The following MAP3K13 variants were observed in gnomAD, a reference collection of about 807,000 sequenced individuals.
MAP3K13 encodes mitogen-activated protein kinase kinase kinase 13.
MAP3K13 carries 52 observed loss-of-function variants against 104.0 expected under a neutral mutation model. The observed-to-expected ratio is 0.50, with a 90% CI of 0.40 to 0.63. The LOEUF (loss-of-function observed/expected upper bound fraction) is 0.63. Among genes scored for constraint, MAP3K13 ranks in the 20% least tolerant of loss-of-function variants. MAP3K13 has a pLI of 0.00. For synonymous variants in MAP3K13, 394 were observed against 442.2 expected, an observed-to-expected ratio of 0.89 and a Z score of 1.37; for missense variants, 914 against 1,218.5, an observed-to-expected ratio of 0.75 and a Z score of 3.72.
chr3:185,323,333 C>CTTTTTTT (rs869206853), intron 2 of MAP3K13, among the ~76,000 whole-genome samples: 1 of 134,328 alleles, frequency 7.4e-6, no homozygotes, highest in Non-Finnish European at 1.6e-5. Context: ...TTTGGCATAC[C>CTTTTTTT]TTTTTTTTTT....
At position 185,486,057 on chromosome 3, in the gene MAP3K13, C is replaced by G. The variant is rs1199085593; in HGVS notation, c.*3601C>G. On this transcript the variant is annotated 3_prime_UTR_variant, in exon 14 of 14. Coordinates refer to ENST00000265026, the MANE Select transcript of MAP3K13 (RefSeq NM_004721.5). ...CTACAACTCTATGTCTTCTTTCTAT[C>G]CAACATAAAACACTGGCAGTTTTGT... is the stretch of plus-strand genomic sequence containing the variant. The G allele has an allele frequency of 6.6e-6, 1 of 152,212 alleles. No individual in the cohort carries two copies. The highest frequency in any genetic ancestry group is 1.5e-5 in the Non-Finnish European group (1 of 68,038). 9.4% of individuals were successfully genotyped at this position (152,212 alleles called of 1,614,324 possible).
At position 185,477,899 on chromosome 3, in the gene MAP3K13, T is replaced by G. The variant is rs60795781; in HGVS notation, c.2501+503T>G. On this transcript the variant is annotated intron_variant, in intron 12 of 13. Transcript: ENST00000265026. ...GCCACCTTCTTGCTGTTTCCTCACA[T>G]GGCAGAGAGAGCTCTTCCTTCTTTT... Among the ~76,000 whole-genome samples the G allele has an allele frequency of 5.4e-3, 823 of 152,338 alleles. 4 individuals carry two copies. Among genetic ancestry groups the G allele is most frequent in the African/African-American group, 0.019 (785 of 41,576 alleles).
chr3:185,465,585 G>A (rs966403801), intron 8 of MAP3K13, among the ~76,000 whole-genome samples, 162 bp from the exon 9 acceptor site: 5 of 152,164 alleles, frequency 3.3e-5, no homozygotes, highest in South Asian at 2.1e-4. Flanking sequence ...CCCACCTCCC[G>A]TTCCATTTTG....
At chr3:185,354,649 A>G (rs998350713) in intron 2 of MAP3K13, among the ~76,000 whole-genome samples, 2 of 151,302 alleles carry the variant, frequency 1.3e-5, no homozygotes, top group Non-Finnish European at 2.9e-5. Flanking sequence ...TGTGTGTAGG[A>G]TGGTCCCATT....
chr3:185,419,447 G>A (rs182712642), intron 1 of MAP3K13, among the ~76,000 whole-genome samples: 1 of 152,118 alleles, frequency 6.6e-6, no homozygotes, highest in Non-Finnish European at 1.5e-5. Flanking sequence ...AAGCAACAAG[G>A]ATTTGTATTG....
chr3:185,318,760 A>G (rs933854711), intron 2 of MAP3K13, among the ~76,000 whole-genome samples: 57 of 152,220 alleles, frequency 3.7e-4, no homozygotes, highest in Non-Finnish European at 6.5e-4. Context: ...TCTACTTTGG[A>G]CAAAATAGAG....
intron 1 of MAP3K13, among the ~76,000 whole-genome samples, chr3:185,374,297 G>A (rs561309718): frequency 6.6e-6 from 1 of 152,222 alleles, no homozygotes; most frequent in African/African-American, 2.4e-5. Flanking sequence ...TGTTGGGGTG[G>A]CGAAAATTTT....
chr3:185,412,866 G>A (rs1257395843), intron 1 of MAP3K13, among the ~76,000 whole-genome samples: 2 of 152,172 alleles, frequency 1.3e-5, no homozygotes, highest in East Asian at 3.9e-4. Context: ...TGGTGATTTG[G>A]TAAAACTTCT....
rs560401918 is a variant in MAP3K13 at position 185,303,990 on chromosome 3, G to T, written c.-86+18347G>T. Among the ~76,000 whole-genome samples, 10 of 152,010 alleles carry T rather than the reference G, an allele frequency of 6.6e-5. No individual in the cohort carries two copies. The South Asian group carries it at 2.1e-3, about 32-fold the overall frequency. ...TTTCCCCCTTAGTACTACTTTTGAT[G>T]CATCCCATACCTTTTGGTATGTTGT... On this transcript the variant is annotated intron_variant, in intron 2 of 14. Coordinates refer to the MAP3K13 transcript ENST00000424227.
At chr3:185,468,113 C>T (rs1717561705) in intron 10 of MAP3K13, among the ~76,000 whole-genome samples, 2 of 151,930 alleles carry the variant, frequency 1.3e-5, no homozygotes, top group Non-Finnish European at 2.9e-5. Context: ...ATGATCCAAT[C>T]ACCCCCTCAC....
intron 1 of MAP3K13, among the ~76,000 whole-genome samples, chr3:185,393,453 TGTAA>T (rs1159037503): frequency 7.2e-6 from 1 of 139,130 alleles, no homozygotes; most frequent in African/African-American, 2.6e-5. Flanking sequence ...TTTACAGAGT[TGTAA>T]GTATCTTTTT....
intron 2 of MAP3K13, among the ~76,000 whole-genome samples, chr3:185,309,142 TGCCAGGGGTTAGGGCTTTA>T (rs1721407537): frequency 6.6e-6 from 1 of 152,150 alleles, no homozygotes; most frequent in Non-Finnish European, 1.5e-5. Flanking sequence ...CATTCACAGG[TGCCAGGGGTTAGGGCTTTA>T]ACTTATCTTT....
intron 2 of MAP3K13, among the ~76,000 whole-genome samples, chr3:185,342,142 G>T (rs1161369653): frequency 6.6e-6 from 1 of 152,108 alleles, no homozygotes; most frequent in Non-Finnish European, 1.5e-5. Context: ...CAGCCTTCAG[G>T]TGACTACATC....
intron 7 of MAP3K13, among the ~76,000 whole-genome samples, chr3:185,455,845 G>GAT (rs1482456928): frequency 2.5e-4 from 22 of 88,250 alleles, no homozygotes; most frequent in African/African-American, 7.9e-5. Context: ...ATATATATGA[G>GAT]ATATATATGA....
intron 1 of MAP3K13, among the ~76,000 whole-genome samples, chr3:185,416,035 GA>G (rs1202887158): frequency 6.6e-6 from 1 of 152,132 alleles, no homozygotes; most frequent in Non-Finnish European, 1.5e-5. Flanking sequence ...AATGAAATAT[GA>G]AAAAGAAGTT....
intron 2 of MAP3K13, among the ~76,000 whole-genome samples, chr3:185,291,453 A>G (rs1011165016): frequency 6.6e-6 from 1 of 151,958 alleles, no homozygotes; most frequent in South Asian, 2.1e-4. Flanking sequence ...TTTCAAAAAA[A>G]TTTTTTTCCT....
At chr3:185,321,559 C>T (rs1255803823) in intron 2 of MAP3K13, among the ~76,000 whole-genome samples, 1 of 151,982 alleles carries the variant, frequency 6.6e-6, no homozygotes, top group Non-Finnish European at 1.5e-5. Context: ...CCACATGTGG[C>T]CATATTCTTA....
intron 2 of MAP3K13, among the ~76,000 whole-genome samples, chr3:185,288,540 G>A (rs80000859): frequency 2.9e-5 from 4 of 140,118 alleles, no homozygotes; most frequent in East Asian, 3.9e-4. Context: ...GTGTTTGTGT[G>A]TATATATATA....
intron 8 of MAP3K13, 57 bp downstream of exon 8, chr3:185,463,716 A>G: frequency 1.0e-6 from 1 of 964,036 alleles, no homozygotes; most frequent in Non-Finnish European, 1.7e-6. Flanking sequence ...AGATGTTAAC[A>G]GGCACCCTTA....
Sources: allele counts gnomAD v4.1 joint callset (sites outside exome capture counted in the v4.1 genomes callset), GRCh38; gene constraint gnomAD v4.1.1; transcripts MANE v1.5; gene names NCBI Gene and HGNC (gene_info 2026-07-23, HGNC 2026-07-21).